Variants in ADAM12 observed in about 807,000 individuals in gnomAD.
The protein encoded by ADAM12 is ADAM metallopeptidase domain 12.
ADAM12 carries 70 observed loss-of-function variants against 106.4 expected under a neutral mutation model. The observed-to-expected ratio is 0.66, with a 90% CI of 0.54 to 0.80. ADAM12 has a LOEUF of 0.80. Among genes scored for constraint, ADAM12 ranks in the 30% least tolerant of loss-of-function variants. The pLI, the probability that ADAM12 is intolerant of heterozygous loss-of-function variation, is 0.00. For missense variants in ADAM12, 1,010 were observed against 1,171.9 expected (o/e 0.86, Z 2.02); for synonymous variants, 420 against 433.5 (o/e 0.97, Z 0.39).
At chr10:126,221,792 C>G (rs1208580894) in intron 3 of ADAM12, among the ~76,000 whole-genome samples, 1 of 152,154 alleles carries the variant, frequency 6.6e-6, no homozygotes, top group Non-Finnish European at 1.5e-5. Context: ...CTCATTCTCC[C>G]CAAAGAATGA....
chr10:126,092,098 A>G (rs550129337), intron 11 of ADAM12, among the ~76,000 whole-genome samples: 2 of 152,304 alleles, frequency 1.3e-5, no homozygotes, highest in Admixed American at 6.5e-5. Context: ...AGTGTTCTTG[A>G]TCTAGGTTTT....
intron 21 of ADAM12, among the ~76,000 whole-genome samples, chr10:126,021,883 A>G (rs989213973): frequency 6.6e-6 from 1 of 152,208 alleles, no homozygotes; most frequent in Non-Finnish European, 1.5e-5. Context: ...AACCCTACCA[A>G]CAAACTTTGG....
intron 8 of ADAM12, among the ~76,000 whole-genome samples, chr10:126,105,674 AAAC>A (rs1955753021): frequency 6.6e-6 from 1 of 152,226 alleles, no homozygotes; most frequent in Admixed American, 6.5e-5. Context: ...ACAAATAGAC[AAAC>A]AAACTCCCCT....
In ADAM12 at chr10:126,046,075, T is replaced by C. The variant is rs115100580; in HGVS notation, c.1975A>G (p.Met659Val). 2,203 of 1,614,178 alleles carry C rather than the reference T, an allele frequency of 1.4e-3. 19 individuals carry two copies. The African/African-American group carries it at 0.026, about 19-fold the overall frequency. Residue 659 changes from methionine (M) to valine (V), a missense_variant, in exon 17 of 23, where the codon ATG (methionine) becomes GTG (valine). By Grantham distance (21) the Met-to-Val change is conservative (BLOSUM62 1). Around this residue, in one of 3 missense-constraint regions of ADAM12, gnomAD observed 615 missense variants for 708.5 expected, o/e 0.87. Transcript: ENST00000448723. Reference protein sequence around the residue: ...ISVFGVHECAMQCHGRGVCNN... With the variant: ...ISVFGVHECAVQCHGRGVCNN... Reference sequence around the variant, plus strand: ...CTCACCCCTCTGCCGTGGCACTGCATTGCACACTCGTGAACCCCAAAGACA... The same window carrying C: ...CTCACCCCTCTGCCGTGGCACTGCACTGCACACTCGTGAACCCCAAAGACA...
chr10:126,212,759 T>C (rs1957924790), intron 3 of ADAM12, among the ~76,000 whole-genome samples: 1 of 152,188 alleles, frequency 6.6e-6, no homozygotes, highest in African/African-American at 2.4e-5. Context: ...TGGATTCTCT[T>C]CAATTTTGCT....
chr10:126,041,774 C>G, intron 18 of ADAM12: 2 of 1,081,326 alleles, frequency 1.8e-6, no homozygotes, highest in Non-Finnish European at 2.2e-6. Context: ...ACCCTTGCTT[C>G]TCCCCCACTG....
At chr10:126,258,535 A>C (rs1256342963) in intron 3 of ADAM12, among the ~76,000 whole-genome samples, 2 of 152,148 alleles carry the variant, frequency 1.3e-5, no homozygotes, top group Non-Finnish European at 2.9e-5. Flanking sequence ...CCTACTTACC[A>C]ACCTTCAGTG....
At chr10:126,173,055 A>G (rs1329294926) in intron 3 of ADAM12, among the ~76,000 whole-genome samples, 1 of 152,198 alleles carries the variant, frequency 6.6e-6, no homozygotes, top group African/African-American at 2.4e-5. Context: ...GAGTTGAACA[A>G]TGAGAACACA....
intron 3 of ADAM12, among the ~76,000 whole-genome samples, chr10:126,173,338 C>G (rs1263921357): frequency 6.6e-6 from 1 of 152,204 alleles, no homozygotes. Context: ...GGGAGAACCA[C>G]AGAAACAGCA....
intron 1 of ADAM12, among the ~76,000 whole-genome samples, chr10:126,382,364 C>T (rs1322725170): frequency 6.6e-6 from 1 of 152,208 alleles, no homozygotes; most frequent in East Asian, 1.9e-4. Flanking sequence ...TAAGGACTCC[C>T]AGGAATCGTG....
intron 3 of ADAM12, among the ~76,000 whole-genome samples, chr10:126,267,125 C>A (rs562343197): frequency 3.9e-5 from 6 of 152,196 alleles, no homozygotes; most frequent in Admixed American, 3.9e-4. Context: ...TGTCAATCAT[C>A]TCCTCTGATA....
At chr10:126,217,297 C>T (rs1958004800) in intron 3 of ADAM12, among the ~76,000 whole-genome samples, 1 of 149,740 alleles carries the variant, frequency 6.7e-6, no homozygotes, top group African/African-American at 2.5e-5. Context: ...TAGCTTTCTA[C>T]AAGGAAGAAA....
At chr10:126,315,700 G>A (rs542315048) in intron 2 of ADAM12, among the ~76,000 whole-genome samples, 16 of 152,164 alleles carry the variant, frequency 1.1e-4, no homozygotes, top group Admixed American at 5.2e-4. Context: ...CACCGAGACC[G>A]TTCTGGAGAT....
intron 20 of ADAM12, among the ~76,000 whole-genome samples, chr10:126,036,616 T>G (rs1394644661): frequency 4.6e-5 from 7 of 152,176 alleles, no homozygotes; most frequent in Non-Finnish European, 1.0e-4. Context: ...CTTGAAAAAG[T>G]ACCAAGTATA....
Position 126,118,135 on chromosome 10 carries a change from A to G in ADAM12, c.506T>C (p.Leu169Pro), listed in dbSNP as rs1419465465. The G allele has an allele frequency of 6.2e-7, 1 of 1,614,194 alleles. No individual in the cohort carries two copies. Residue 169 changes from leucine to proline, a missense_variant, in exon 6 of 23, where the codon CTG becomes CCG. Leu to Pro is a moderately conservative substitution (Grantham distance 98). This residue lies in a region of ADAM12 where 391 missense variants were observed against 442.9 expected (regional missense o/e 0.88). Transcript: ENST00000448723. ...NRYKLFPAKK[L>P]KSVRGSCGSH... is the part of the protein sequence containing the mutation. ...TCCACATGATCCCCGGACGCTTTTC[A>G]GCTTCTTCGCTGGGAAGAGTTTGTA...
chr10:126,316,346 T>TC (rs1314914807), intron 2 of ADAM12, among the ~76,000 whole-genome samples: 2 of 152,286 alleles, frequency 1.3e-5, no homozygotes, highest in African/African-American at 4.8e-5. Context: ...AGCAGGGTAA[T>TC]CTCTAATCGT....
chr10:126,328,745 A>G (rs969428197), intron 2 of ADAM12, among the ~76,000 whole-genome samples: 2 of 152,242 alleles, frequency 1.3e-5, no homozygotes, highest in Admixed American at 1.3e-4. Flanking sequence ...TCTTTAGTGC[A>G]GTAGGTGTAT....
intron 3 of ADAM12, among the ~76,000 whole-genome samples, chr10:126,238,538 C>T (rs1056750824): frequency 1.3e-5 from 2 of 152,108 alleles, no homozygotes; most frequent in African/African-American, 4.8e-5. Context: ...AGTTCAAGTT[C>T]TAAACCTATG....
intron 11 of ADAM12, among the ~76,000 whole-genome samples, chr10:126,079,812 C>T (rs1372690906): frequency 6.6e-6 from 1 of 152,172 alleles, no homozygotes; most frequent in Non-Finnish European, 1.5e-5. Context: ...TTTGTGATCA[C>T]ATGAAAGATG....
Sources: gnomAD v4.1 joint callset for allele counts (sites outside exome capture counted in the v4.1 genomes callset) on GRCh38, gnomAD v4.1.1 for gene constraint, gnomAD v4.1.1 regional missense constraint, MANE v1.5 for transcripts, NCBI Gene and HGNC (gene_info 2026-07-23, HGNC 2026-07-21) for gene names.